The following MCTP2 variants were observed in gnomAD, a reference collection of about 807,000 sequenced individuals.
MCTP2 encodes the protein multiple C2 and transmembrane domain containing 2.
Under a neutral mutation model 111.6 loss-of-function variants are expected in MCTP2, and 132 were observed. The ratio of observed to expected loss-of-function variants is 1.18; its 90% CI spans 1.03 to 1.37. The LOEUF (loss-of-function observed/expected upper bound fraction) is 1.37. MCTP2 is among the 40% of genes most tolerant of loss of function. The pLI is 0.00. For missense variants in MCTP2, 1,183 were observed against 1,067.9 expected (o/e 1.11, Z -1.50); for synonymous variants, 395 against 387.7 (o/e 1.02, Z -0.22).
intron 4 of MCTP2, among the ~76,000 whole-genome samples, chr15:94,318,307 G>A (rs1395024446): frequency 2.8e-5 from 4 of 143,560 alleles, no homozygotes; most frequent in Non-Finnish European, 4.5e-5. Context: ...TTTTTGAGAC[G>A]GAGTCTAGCT....
At chr15:94,313,932 G>A (rs1363554364) in intron 2 of MCTP2, among the ~76,000 whole-genome samples, 3 of 152,346 alleles carry the variant, frequency 2.0e-5, no homozygotes, top group Non-Finnish European at 4.4e-5. Flanking sequence ...GAGGCTGGGG[G>A]CCGGGCTGGC....
rs182491140 is a variant in MCTP2, at chr15:94,333,696, G to A, written c.638-5594G>A. ...TCTTGGTGACTCTTTCCTGATGATA[G>A]ACTTGAGTTGCCATGGGTCCTTACT... On this transcript the variant is annotated intron_variant, in intron 4 of 22. Transcript: ENST00000357742. 5.4e-4 allele frequency among the ~76,000 whole-genome samples: 82 copies of A among 152,280 alleles called. 3 individuals are homozygous for A. Among genetic ancestry groups the A allele is most frequent in the Admixed American group, 4.9e-3 (75 of 15,302 alleles).
At position 94,315,622 on chromosome 15, in the gene MCTP2, G is replaced by C; in HGVS notation, c.622G>C (p.Val208Leu). The C allele has an allele frequency of 6.2e-7, 1 of 1,613,902 alleles. No individual in the cohort carries two copies. The highest frequency in any genetic ancestry group is 8.5e-7 in the Non-Finnish European group (1 of 1,179,816). Residue 208 changes from valine to leucine, a missense_variant, in exon 4 of 23, where the codon GTC becomes CTC. Coordinates refer to ENST00000357742, the MANE Select transcript of MCTP2 (RefSeq NM_001385001.1). ...CCTGAAGGAAGGCCGGAACCTGGTT[G>C]TCCGAGATCGCTGTGGTAAGACCTG... Reference protein sequence around the residue: ...IHLKEGRNLVVRDRCGTSDPY... With the variant: ...IHLKEGRNLVLRDRCGTSDPY...
intron 4 of MCTP2, among the ~76,000 whole-genome samples, chr15:94,315,903 C>T (rs550997934): frequency 7.5e-4 from 114 of 152,312 alleles, no homozygotes; most frequent in African/African-American, 2.4e-3. Context: ...GATAGCTTTA[C>T]GCCTGGCCTA....
intron 20 of MCTP2, among the ~76,000 whole-genome samples, chr15:94,461,211 G>A (rs148510906): frequency 1.5e-3 from 225 of 152,282 alleles, no homozygotes; most frequent in African/African-American, 5.3e-3. Context: ...TGTAATCCCA[G>A]CACTTTGGGA....
intron 12 of MCTP2, among the ~76,000 whole-genome samples, chr15:94,375,058 G>A (rs1339726221): frequency 6.6e-6 from 1 of 152,164 alleles, no homozygotes; most frequent in Non-Finnish European, 1.5e-5. Context: ...GGCCGTACAA[G>A]AAGCATGACA....
At chr15:94,376,212 C>T (rs2079765458) in intron 12 of MCTP2, among the ~76,000 whole-genome samples, 1 of 152,184 alleles carries the variant, frequency 6.6e-6, no homozygotes, top group East Asian at 1.9e-4. Flanking sequence ...CTGTCCCCCA[C>T]ACAGATTTGA....
At chr15:94,262,871 A>G (rs1482291226) in intron 1 of MCTP2, among the ~76,000 whole-genome samples, 1 of 152,190 alleles carries the variant, frequency 6.6e-6, no homozygotes, top group East Asian at 1.9e-4. Flanking sequence ...GGGTTTTGCC[A>G]TGTTGGCCAG....
At chr15:94,457,629 C>T (rs2084917579) in intron 19 of MCTP2, among the ~76,000 whole-genome samples, 1 of 152,120 alleles carries the variant, frequency 6.6e-6, no homozygotes, top group African/African-American at 2.4e-5. Context: ...GATGAAATGT[C>T]ATCGGGCTGG....
intron 14 of MCTP2, among the ~76,000 whole-genome samples, chr15:94,390,119 T>TAC (rs1469196705): frequency 1.5e-5 from 2 of 132,250 alleles, no homozygotes; most frequent in African/African-American, 6.5e-5. Flanking sequence ...TATATGTATA[T>TAC]ATATATATAT....
intron 1 of MCTP2, among the ~76,000 whole-genome samples, chr15:94,261,420 T>A (rs1246029533): frequency 6.6e-6 from 1 of 152,134 alleles, no homozygotes; most frequent in Non-Finnish European, 1.5e-5. Context: ...CAGCTGTGAG[T>A]CTTAGTGACA....
intron 1 of MCTP2, among the ~76,000 whole-genome samples, chr15:94,259,718 C>T (rs2073065889): frequency 6.6e-6 from 1 of 152,212 alleles, no homozygotes; most frequent in African/African-American, 2.4e-5. Context: ...ATTATTTCTA[C>T]TTTGAAGCTT....
intron 21 of MCTP2, among the ~76,000 whole-genome samples, chr15:94,471,604 T>A (rs1293402984): frequency 1.3e-5 from 2 of 152,150 alleles, no homozygotes; most frequent in Non-Finnish European, 2.9e-5. Flanking sequence ...CAGGGATCTA[T>A]TTTAATACTT....
chr15:94,412,173 G>A (rs1173816463), intron 17 of MCTP2, among the ~76,000 whole-genome samples: 4 of 152,180 alleles, frequency 2.6e-5, no homozygotes, highest in African/African-American at 9.6e-5. Context: ...TGTTTGAATA[G>A]AGGATTCTCA....
intron 17 of MCTP2, among the ~76,000 whole-genome samples, chr15:94,412,752 T>A (rs1384614156): frequency 6.6e-6 from 1 of 152,176 alleles, no homozygotes; most frequent in African/African-American, 2.4e-5. Context: ...TACATGCAAT[T>A]ATAAACATTT....
In MCTP2 at chr15:94,402,281, A is replaced by G. The variant is rs146572251; in HGVS notation, c.2085+262A>G. On this transcript the variant is annotated intron_variant, in intron 17 of 22. Coordinates refer to ENST00000357742, the MANE Select transcript of MCTP2 (RefSeq NM_001385001.1). ...TACAGCTACATTTGTATAGCCCTGC[A>G]TTGTGTGTATTTTTTTTCTTTCTGT... The G allele has an allele frequency of 3.1e-3, 3,002 of 981,730 alleles. 44 individuals are homozygous for G. The African/African-American group carries it at 0.043, about 14-fold the overall frequency. The allele number at this position is 981,730 out of a possible 1,614,324, so 60.8% of individuals were successfully genotyped here.
chr15:94,346,583 G>A (rs1002552907), intron 8 of MCTP2, among the ~76,000 whole-genome samples: 1 of 152,122 alleles, frequency 6.6e-6, no homozygotes, highest in African/African-American at 2.4e-5. Flanking sequence ...GTATTTTCTC[G>A]TTTATTGATT....
At chr15:94,339,469 A>G (rs1181066209) in intron 5 of MCTP2, 37 bp downstream of exon 5, 2 of 1,530,238 alleles carry the variant, frequency 1.3e-6, no homozygotes, top group Non-Finnish European at 1.8e-6. Flanking sequence ...CTCCTTTATT[A>G]AAAACATTTC....
intron 4 of MCTP2, among the ~76,000 whole-genome samples, chr15:94,321,021 G>A (rs764305118): frequency 3.2e-4 from 48 of 152,272 alleles, no homozygotes; most frequent in Non-Finnish European, 5.9e-4. Flanking sequence ...AAACAATATG[G>A]ATGAGGCTGG....
Sources: gnomAD v4.1 joint callset for allele counts (sites outside exome capture counted in the v4.1 genomes callset) on GRCh38, gnomAD v4.1.1 for gene constraint, MANE v1.5 for transcripts, NCBI Gene and HGNC (gene_info 2026-07-23, HGNC 2026-07-21) for gene names.